The following SYNE2 variants were observed in gnomAD, a reference collection of about 807,000 sequenced individuals.
SYNE2 encodes nesprin-2.
In SYNE2, 431 loss-of-function variants were observed where a neutral mutation model predicts 856.3. The ratio of observed to expected loss-of-function variants is 0.50; its 90% CI spans 0.47 to 0.55. The LOEUF (loss-of-function observed/expected upper bound fraction) is 0.55. SYNE2 is among the 20% of genes least tolerant of loss of function. The pLI is 0.00. For missense variants in SYNE2, 8,129 were observed against 8,023.2 expected (o/e 1.01, Z -0.50); for synonymous variants, 2,923 against 2,872.3 (o/e 1.02, Z -0.56).
intron 66 of SYNE2, among the ~76,000 whole-genome samples, chr14:64,119,106 A>G (rs1178035273): frequency 6.6e-6 from 1 of 152,192 alleles, no homozygotes; most frequent in African/African-American, 2.4e-5. Flanking sequence ...CTGAAACCAG[A>G]TAGTCTAGTT....
intron 96 of SYNE2, among the ~76,000 whole-genome samples, chr14:64,185,738 C>G (rs1285331548): frequency 6.6e-6 from 1 of 152,084 alleles, no homozygotes; most frequent in East Asian, 1.9e-4. Context: ...CCAGGCTGGT[C>G]TTGAACTCCT....
chr14:63,855,633 C>A (rs1003624915), intron 1 of SYNE2, among the ~76,000 whole-genome samples: 1 of 152,178 alleles, frequency 6.6e-6, no homozygotes, highest in South Asian at 2.1e-4. Flanking sequence ...CCTTCACTAA[C>A]CTCCAAATTT....
At chr14:64,183,663 C>T (rs2098473092) in intron 96 of SYNE2, among the ~76,000 whole-genome samples, 6 of 152,236 alleles carry the variant, frequency 3.9e-5, no homozygotes, top group African/African-American at 9.6e-5. Flanking sequence ...TCTGCAATCC[C>T]GGCACCTCGG....
Position 64,070,901 on chromosome 14 carries a change from G to A in SYNE2, c.10688G>A (p.Arg3563Gln), listed in dbSNP as rs201284275. 1.4e-5 allele frequency: 23 copies of A among 1,614,106 alleles called. No homozygotes were observed. The East Asian group carries it at 3.1e-4, about 22-fold the overall frequency. The change falls in exon 52 of 116, where the codon CGA (arginine) becomes CAA (glutamine). Residue 3563 changes from arginine to glutamine, a missense_variant. Coordinates refer to ENST00000555002, the MANE Select transcript of SYNE2 (RefSeq NM_182914.3). ...AFQEITSMKE[R>Q]CNKLLQKVQK... ...CAAGAAATTACTTCTATGAAAGAAC[G>A]ATGCAACAAGTAAGATTTATGAAAA...
intron 74 of SYNE2, 54 bp from the exon 75 acceptor site, chr14:64,129,728 G>C (rs1396295142): frequency 2.5e-6 from 4 of 1,610,868 alleles, no homozygotes; most frequent in Non-Finnish European, 3.4e-6. Context: ...ATAACTATGT[G>C]TACTTCTCTG....
At chr14:63,876,447 T>G (rs2094719612) in intron 1 of SYNE2, among the ~76,000 whole-genome samples, 1 of 151,568 alleles carries the variant, frequency 6.6e-6, no homozygotes, top group African/African-American at 2.4e-5. Flanking sequence ...GTGGATACCA[T>G]TATATTTTTT....
chr14:63,989,052 A>G (rs2096647171), intron 19 of SYNE2, among the ~76,000 whole-genome samples: 1 of 152,230 alleles, frequency 6.6e-6, no homozygotes, highest in African/African-American at 2.4e-5. Context: ...TTATTTGACT[A>G]CATGTAATAT....
intron 1 of SYNE2, among the ~76,000 whole-genome samples, chr14:63,822,265 C>T (rs1889250186): frequency 6.6e-6 from 1 of 151,932 alleles, no homozygotes; most frequent in Non-Finnish European, 1.5e-5. Context: ...TCAGAAAGAA[C>T]AGTGAGTTTT....
intron 1 of SYNE2, among the ~76,000 whole-genome samples, chr14:63,843,214 C>CGTGTGT (rs148435919): frequency 6.7e-6 from 1 of 150,222 alleles, no homozygotes; most frequent in African/African-American, 2.4e-5. Flanking sequence ...TTTTTATGCC[C>CGTGTGT]GTGTGTGTGT....
At chr14:64,183,036 G>A (rs939332951) in intron 96 of SYNE2, among the ~76,000 whole-genome samples, 8 of 149,138 alleles carry the variant, frequency 5.4e-5, no homozygotes, top group African/African-American at 1.2e-4. Flanking sequence ...CCTCCCTCCC[G>A]GACGGGGCGG....
chr14:63,830,304 G>T (rs957941914), intron 1 of SYNE2, among the ~76,000 whole-genome samples: 3 of 151,454 alleles, frequency 2.0e-5, no homozygotes. Flanking sequence ...TTCTAAAATG[G>T]GTTGTATTAA....
chr14:64,224,384 A>AGG, intron 113 of SYNE2, 77 bp from the exon 114 acceptor site: 2 of 1,172,716 alleles, frequency 1.7e-6, no homozygotes, highest in South Asian at 2.4e-5. Context: ...GATTTAAGGT[A>AGG]GGGGAGGGTG....
At chr14:64,203,375 TAAAAC>T (rs879396864) in intron 100 of SYNE2, among the ~76,000 whole-genome samples, 3 of 152,182 alleles carry the variant, frequency 2.0e-5, no homozygotes, top group Admixed American at 2.0e-4. Context: ...TTTAAAAAAT[TAAAAC>T]AAGAAAAGGT....
chr14:64,129,209 A>G (rs2097984805), intron 74 of SYNE2, among the ~76,000 whole-genome samples: 1 of 152,182 alleles, frequency 6.6e-6, no homozygotes, highest in Admixed American at 6.5e-5. Flanking sequence ...CCGGAGGCTG[A>G]GGTGTGATAA....
chr14:63,982,874 C>A, intron 17 of SYNE2, 80 bp downstream of exon 17: 2 of 1,427,242 alleles, frequency 1.4e-6, no homozygotes, highest in Non-Finnish European at 2.0e-6. Flanking sequence ...AGTTCATAAC[C>A]AATTGATTTC....
intron 79 of SYNE2, 111 bp downstream of exon 79, chr14:64,138,094 T>G: frequency 7.7e-7 from 1 of 1,307,176 alleles, no homozygotes; most frequent in Non-Finnish European, 1.1e-6. Context: ...TGTTTTTTCT[T>G]GGGCAGTCTA....
chr14:64,134,175 T>C lies in SYNE2; in HGVS notation c.14621T>C (p.Leu4874Ser). ...TTGGTGGAAGAAACAGAGGAAAGAT[T>C]AGTGGAAAGGATTTCATTTTACCAG... ...VSLVEETEERLVERISFYQQI... is the reference protein window; with the variant it reads ...VSLVEETEERSVERISFYQQI... The change falls in exon 78 of 116, where the codon TTA (leucine) becomes TCA (serine). Residue 4874 changes from leucine (L) to serine (S), a missense_variant. Around this residue, in one of 3 missense-constraint regions of SYNE2, gnomAD observed 5,410 missense variants for 5,284.8 expected, o/e 1.02. Transcript: ENST00000555002. The C allele has an allele frequency of 6.2e-7, 1 of 1,614,174 alleles. No homozygotes were observed. The highest frequency in any genetic ancestry group is 8.5e-7 in the Non-Finnish European group (1 of 1,179,988).
chr14:64,001,260 T>C (rs1468407896), intron 28 of SYNE2, among the ~76,000 whole-genome samples: 3 of 152,230 alleles, frequency 2.0e-5, no homozygotes, highest in Non-Finnish European at 4.4e-5. Flanking sequence ...TATTCAATAA[T>C]TAAAATAATT....
chr14:64,162,502 G>A (rs1018379010), intron 88 of SYNE2: 15 of 581,098 alleles, frequency 2.6e-5, no homozygotes, highest in South Asian at 5.7e-5. Context: ...ATATCACCTC[G>A]TTCCAAGTCT....
Sources: gnomAD v4.1 joint callset for allele counts (sites outside exome capture counted in the v4.1 genomes callset) on GRCh38, gnomAD v4.1.1 for gene constraint, gnomAD v4.1.1 regional missense constraint, MANE v1.5 for transcripts, NCBI Gene and HGNC (gene_info 2026-07-23, HGNC 2026-07-21) for gene names.